Variants in NRXN1 observed in about 807,000 individuals in gnomAD.
The protein encoded by NRXN1 is neurexin-1.
In NRXN1, 39 loss-of-function variants were observed where a neutral mutation model predicts 150.9. The ratio of observed to expected loss-of-function variants is 0.26; its 90% CI spans 0.20 to 0.34. The LOEUF is 0.34. Among genes scored for constraint, NRXN1 ranks in the 10% least tolerant of loss-of-function variants. The pLI is 1.00. For synonymous variants in NRXN1, 924 were observed against 757.0 expected (o/e 1.22, Z -3.62); for missense variants, 1,815 against 1,949.9 (o/e 0.93, Z 1.30).
chr2:50,885,767 A>G (rs1680136625), intron 5 of NRXN1, among the ~76,000 whole-genome samples: 2 of 150,904 alleles, frequency 1.3e-5, no homozygotes, highest in African/African-American at 4.8e-5. Flanking sequence ...ACTCTTGGAT[A>G]AGTTGATAGG....
intron 5 of NRXN1, among the ~76,000 whole-genome samples, chr2:50,629,611 T>C (rs532885340): frequency 3.8e-4 from 57 of 151,718 alleles, no homozygotes; most frequent in Non-Finnish European, 7.1e-4. Flanking sequence ...ATAAATACTA[T>C]ATTTCAATAA....
intron 12 of NRXN1, among the ~76,000 whole-genome samples, chr2:50,514,212 C>T (rs1015417948): frequency 6.6e-6 from 1 of 152,036 alleles, no homozygotes; most frequent in African/African-American, 2.4e-5. Context: ...GATGGACAGG[C>T]AGGAATTTTT....
chr2:50,891,426 A>G (rs1404552399), intron 5 of NRXN1, among the ~76,000 whole-genome samples: 1 of 152,064 alleles, frequency 6.6e-6, no homozygotes, highest in Admixed American at 6.6e-5. Context: ...TAGTAGACAT[A>G]AATGGAATTG....
At chr2:50,301,338 G>C (rs1574996048) in intron 17 of NRXN1, among the ~76,000 whole-genome samples, 1 of 152,140 alleles carries the variant, frequency 6.6e-6, no homozygotes, top group African/African-American at 2.4e-5. Context: ...TACAGACACA[G>C]AATTCAAGCA....
At chr2:50,833,631 CATGGGTA>C (rs1559328935) in intron 5 of NRXN1, among the ~76,000 whole-genome samples, 1 of 152,042 alleles carries the variant, frequency 6.6e-6, no homozygotes, top group Non-Finnish European at 1.5e-5. Flanking sequence ...CAGTGGATGC[CATGGGTA>C]AAGGTGGGAG....
At chr2:50,385,973 A>T (rs1369774027) in intron 17 of NRXN1, among the ~76,000 whole-genome samples, 1 of 152,056 alleles carries the variant, frequency 6.6e-6, no homozygotes, top group Non-Finnish European at 1.5e-5. Context: ...TAAAATAGTG[A>T]TATATTTTAT....
chr2:50,177,511 T>C (rs1200972388), intron 18 of NRXN1, among the ~76,000 whole-genome samples: 1 of 151,750 alleles, frequency 6.6e-6, no homozygotes, highest in Non-Finnish European at 1.5e-5. Flanking sequence ...TATATAAATA[T>C]AGTAAATATA....
intron 2 of NRXN1, among the ~76,000 whole-genome samples, chr2:50,987,127 T>TC (rs1558539554): frequency 6.6e-6 from 1 of 151,942 alleles, no homozygotes; most frequent in Non-Finnish European, 1.5e-5. Context: ...CTCATTTTTT[T>TC]CACTGTCAGT....
chr2:50,362,422 C>CA (rs2079282092), intron 17 of NRXN1, among the ~76,000 whole-genome samples: 1 of 152,074 alleles, frequency 6.6e-6, no homozygotes, highest in South Asian at 2.1e-4. Context: ...AATCAATGTG[C>CA]AAAAATCACA....
chr2:50,219,855 A>AAG (rs1393803440), intron 18 of NRXN1, among the ~76,000 whole-genome samples: 7 of 143,992 alleles, frequency 4.9e-5, no homozygotes, highest in Admixed American at 2.2e-4. Context: ...ACACTACTGT[A>AAG]CTCTAATGAG....
intron 17 of NRXN1, among the ~76,000 whole-genome samples, chr2:50,445,088 T>C (rs988317468): frequency 1.3e-5 from 2 of 152,126 alleles, no homozygotes. Context: ...CTGGAAGCAT[T>C]CCACATTTTA....
chr2:50,046,903 G>T (rs1213595551), intron 21 of NRXN1, among the ~76,000 whole-genome samples: 1 of 152,150 alleles, frequency 6.6e-6, no homozygotes, highest in African/African-American at 2.4e-5. Context: ...GATACTATTA[G>T]AAGGAGTAAT....
At chr2:50,334,018 C>G (rs1393812233) in intron 17 of NRXN1, among the ~76,000 whole-genome samples, 4 of 151,710 alleles carry the variant, frequency 2.6e-5, no homozygotes, top group Admixed American at 6.6e-5. Context: ...AAGGATGGAG[C>G]CCTGCCCTGC....
chr2:50,587,646 A>C (rs1389768141), intron 8 of NRXN1, among the ~76,000 whole-genome samples: 2 of 152,332 alleles, frequency 1.3e-5, no homozygotes, highest in Admixed American at 1.3e-4. Flanking sequence ...GGAAAAAAGT[A>C]TAACTAGCAT....
chr2:50,887,369 A>T (rs1680409250), intron 5 of NRXN1, among the ~76,000 whole-genome samples: 1 of 151,530 alleles, frequency 6.6e-6, no homozygotes, highest in Non-Finnish European at 1.5e-5. Flanking sequence ...AGGCTATTTA[A>T]TACTGTTTCA....
At chr2:50,444,192 A>C (rs1271440723) in intron 17 of NRXN1, among the ~76,000 whole-genome samples, 2 of 152,198 alleles carry the variant, frequency 1.3e-5, no homozygotes, top group African/African-American at 4.8e-5. Context: ...AGATAGCTAA[A>C]AGTGTAGTCA....
chr2:50,744,682 G>A (rs1699811073), intron 5 of NRXN1, among the ~76,000 whole-genome samples: 1 of 152,074 alleles, frequency 6.6e-6, no homozygotes, highest in African/African-American at 2.4e-5. Flanking sequence ...TCCAAGTAGA[G>A]AGATATTACC....
intron 18 of NRXN1, among the ~76,000 whole-genome samples, chr2:50,205,761 T>C (rs944462514): frequency 2.6e-5 from 4 of 152,108 alleles, no homozygotes; most frequent in African/African-American, 9.7e-5. Context: ...CAATGGAATA[T>C]TATTCAGTAT....
chr2:50,771,237 C>T (rs940650041), intron 5 of NRXN1, among the ~76,000 whole-genome samples: 4 of 152,044 alleles, frequency 2.6e-5, no homozygotes, highest in East Asian at 1.9e-4. Context: ...CTCTACCACC[C>T]ATTCCCCATG....
Sources: gnomAD v4.1 joint callset for allele counts (sites outside exome capture counted in the v4.1 genomes callset) on GRCh38, gnomAD v4.1.1 for gene constraint, MANE v1.5 for transcripts, NCBI Gene and HGNC (gene_info 2026-07-23, HGNC 2026-07-21) for gene names.